The following RASA3 variants were observed in gnomAD, a reference collection of about 807,000 sequenced individuals.
RASA3 encodes RAS p21 protein activator 3.
In RASA3, 73 loss-of-function variants were observed where a neutral mutation model predicts 110.0. The ratio of observed to expected loss-of-function variants is 0.66; its 90% CI spans 0.55 to 0.81. The LOEUF (loss-of-function observed/expected upper bound fraction) is 0.81. RASA3 is among the 30% of genes least tolerant of loss of function. RASA3 has a pLI of 0.00. For missense variants in RASA3, 976 were observed against 1,113.2 expected (o/e 0.88, Z 1.75); for synonymous variants, 500 against 451.4 (o/e 1.11, Z -1.37).
At chr13:114,003,749 T>C (rs1009323590) in intron 18 of RASA3, among the ~76,000 whole-genome samples, 5 of 152,194 alleles carry the variant, frequency 3.3e-5, no homozygotes, top group Non-Finnish European at 7.3e-5. Context: ...TATTTAAACA[T>C]ATTATTATTT....
chr13:114,014,434 C>T lies in RASA3; in HGVS notation c.1405+775G>A, dbSNP rs560420738. On this transcript the variant is annotated intron_variant, in intron 14 of 23. Coordinates refer to ENST00000334062, the MANE Select transcript of RASA3 (RefSeq NM_007368.4). This position sits in a 1 kb window ranked among gnomAD's most constrained non-coding sequence, Gnocchi z 4.5. ...CGTTTGTCTCCTGGGGACACAGAAG[C>T]GTGGACGGCTCTGCAGGACCATGGC... Among the ~76,000 whole-genome samples the T allele has an allele frequency of 4.6e-5, 7 of 152,240 alleles. No individual in the cohort carries two copies. Among genetic ancestry groups the T allele is most frequent in the South Asian group, 2.1e-4 (1 of 4,826 alleles).
chr13:114,037,699 A>G (rs997101416), intron 4 of RASA3, among the ~76,000 whole-genome samples: 1 of 152,220 alleles, frequency 6.6e-6, no homozygotes, highest in Admixed American at 6.5e-5. Flanking sequence ...CACATAAAAA[A>G]CTGGAAAAAA....
intron 23 of RASA3, among the ~76,000 whole-genome samples, chr13:113,980,310 C>G (rs1481302130): frequency 6.8e-6 from 1 of 146,760 alleles, no homozygotes; most frequent in East Asian, 2.0e-4. Flanking sequence ...TGTATGTGCA[C>G]CTCCTCCGTC....
intron 10 of RASA3, 134 bp from the exon 11 acceptor site, chr13:114,018,386 A>G: frequency 8.1e-7 from 1 of 1,229,148 alleles, no homozygotes; most frequent in Admixed American, 2.9e-5. Context: ...ACACACATTC[A>G]CAAAAACACC....
chr13:114,081,564 C>T (rs760705901), intron 1 of RASA3, among the ~76,000 whole-genome samples: 2 of 152,252 alleles, frequency 1.3e-5, no homozygotes, highest in Middle Eastern at 3.4e-3. Flanking sequence ...CTGAGAAACA[C>T]GACTCCAAAC....
chr13:113,981,994 C>T (rs2052947517), intron 22 of RASA3, 136 bp from the exon 23 acceptor site: 2 of 740,338 alleles, frequency 2.7e-6, no homozygotes, highest in Non-Finnish European at 4.3e-6. Flanking sequence ...GGCTGACCAC[C>T]ACTCGTAAAC....
chr13:114,043,840 C>T (rs1376121011), intron 3 of RASA3, among the ~76,000 whole-genome samples: 5 of 67,662 alleles, frequency 7.4e-5, no homozygotes, highest in Non-Finnish European at 1.2e-4. Flanking sequence ...TCGCTGAGCC[C>T]CCCGCCCCGC....
At chr13:114,075,457 C>T (rs61973926) in intron 1 of RASA3, among the ~76,000 whole-genome samples, 1 of 100,788 alleles carries the variant, frequency 9.9e-6, no homozygotes, top group African/African-American at 4.3e-5. Context: ...CTCCCGTGTC[C>T]GCGCCGCGTA....
chr13:114,000,979 C>T (rs1434726146), intron 18 of RASA3, 47 bp from the exon 19 acceptor site: 2 of 1,320,886 alleles, frequency 1.5e-6, no homozygotes, highest in Admixed American at 3.4e-5. Context: ...CAGCTGCCTC[C>T]CTGCACAGGT....
At chr13:114,025,742 T>A (rs1235158638) in intron 7 of RASA3, among the ~76,000 whole-genome samples, 3 of 152,262 alleles carry the variant, frequency 2.0e-5, no homozygotes, top group African/African-American at 7.2e-5. Context: ...TGTCTAGTTG[T>A]TATCCTGGAA....
intron 22 of RASA3, among the ~76,000 whole-genome samples, chr13:113,989,667 A>G (rs1476042798): frequency 1.4e-5 from 2 of 143,080 alleles, no homozygotes; most frequent in Non-Finnish European, 3.0e-5. Flanking sequence ...CCATCTACCC[A>G]TCCATCCATC....
intron 1 of RASA3, among the ~76,000 whole-genome samples, chr13:114,098,967 C>A (rs1267055865): frequency 6.7e-6 from 1 of 150,238 alleles, no homozygotes; most frequent in African/African-American, 2.5e-5. Flanking sequence ...CCACCCGAGC[C>A]CCCCAGACCA....
At position 114,073,773 on chromosome 13, in the gene RASA3, C is replaced by T; in HGVS notation, c.120G>A (p.Val40=). Residue 40 remains valine, a synonymous_variant, in exon 2 of 24, where the codon GTG becomes GTA. Transcript: ENST00000334062. Reference sequence around the variant, plus strand: ...TGAAAACCTCCTCCTGGTCCAGGTTCACCGTGCAGTAGCAATCCCTCATCT... The same window carrying T: ...TGAAAACCTCCTCCTGGTCCAGGTTTACCGTGCAGTAGCAATCCCTCATCT... ...PSKMRDCYCT[V]NLDQEEVFRT... The T allele has an allele frequency of 6.2e-7, 1 of 1,614,244 alleles. No homozygotes were observed. Among genetic ancestry groups the T allele is most frequent in the Non-Finnish European group, 8.5e-7 (1 of 1,180,052 alleles).
Position 114,041,046 on chromosome 13 carries a change from T to C in RASA3, c.326A>G (p.Asp109Gly). ...KEDLQKYHNRDTWFQLQHVDA... is the reference protein window; with the variant it reads ...KEDLQKYHNRGTWFQLQHVDA... ...CACGTGCTGCAGCTGGAACCAGGTG[T>C]CCCTGTTGTGGTACTTCTGCAAGTC... The change falls in exon 4 of 24, where the codon GAC becomes GGC. Residue 109 changes from aspartate (D) to glycine (G), a missense_variant. Around this residue, in one of 4 missense-constraint regions of RASA3, gnomAD observed 732 missense variants for 779.7 expected, o/e 0.94. Coordinates refer to ENST00000334062, the MANE Select transcript of RASA3 (RefSeq NM_007368.4). The C allele has an allele frequency of 6.2e-7, 1 of 1,613,810 alleles. No homozygotes were observed.
At chr13:114,098,555 C>T (rs758265037) in intron 1 of RASA3, among the ~76,000 whole-genome samples, 40 of 152,062 alleles carry the variant, frequency 2.6e-4, no homozygotes, top group African/African-American at 2.9e-4. Flanking sequence ...GGGGTCAGGA[C>T]GTTAAGGGTG....
intron 1 of RASA3, among the ~76,000 whole-genome samples, chr13:114,079,404 AG>A (rs1326355219): frequency 4.6e-5 from 7 of 152,216 alleles, no homozygotes; most frequent in Admixed American, 2.6e-4. Context: ...AATTGGAGGA[AG>A]TGCGGCTCTC....
chr13:114,039,146 G>GAC (rs1250458075), intron 4 of RASA3, among the ~76,000 whole-genome samples: 4 of 152,230 alleles, frequency 2.6e-5, no homozygotes, highest in Middle Eastern at 3.2e-3. Flanking sequence ...TCTGCACTCA[G>GAC]ACACACACTG....
chr13:114,042,970 T>A (rs976161419), intron 3 of RASA3, among the ~76,000 whole-genome samples: 2 of 152,142 alleles, frequency 1.3e-5, no homozygotes, highest in Non-Finnish European at 2.9e-5. Context: ...TTCCTTCCTA[T>A]GTTGGCGTCC....
chr13:114,103,442 C>CG (rs936623854), intron 1 of RASA3, among the ~76,000 whole-genome samples: 1 of 151,956 alleles, frequency 6.6e-6, no homozygotes, highest in Non-Finnish European at 1.5e-5. Flanking sequence ...AGACGGGGGA[C>CG]GGGGGGACGG....
Sources: gnomAD v4.1 joint callset for allele counts (sites outside exome capture counted in the v4.1 genomes callset) on GRCh38, gnomAD v4.1.1 for gene constraint, gnomAD v4.1.1 regional missense constraint, Gnocchi (gnomAD v3.1) non-coding constraint, MANE v1.5 for transcripts, NCBI Gene and HGNC (gene_info 2026-07-23, HGNC 2026-07-21) for gene names.